UBE2E2: variants seen among roughly 807,000 people sequenced by gnomAD.
UBE2E2 encodes ubiquitin conjugating enzyme E2 E2, also known as ubiquitin-conjugating enzyme E2 E2.
UBE2E2 carries 6 observed loss-of-function variants against 24.7 expected under a neutral mutation model. The observed-to-expected ratio is 0.24, with a 90% CI of 0.13 to 0.48. The LOEUF (loss-of-function observed/expected upper bound fraction) is 0.48, where lower values mean the gene tolerates loss of function less well. Among genes scored for constraint, UBE2E2 ranks in the 20% least tolerant of loss-of-function variants. The pLI is 0.99. For synonymous variants in UBE2E2, 104 were observed against 83.6 expected (o/e 1.24, Z -1.33); for missense variants, 169 against 245.0 (o/e 0.69, Z 2.07).
intron 3 of UBE2E2, among the ~76,000 whole-genome samples, chr3:23,317,516 G>T (rs890088438): frequency 2.0e-5 from 3 of 152,166 alleles, no homozygotes; most frequent in Non-Finnish European, 4.4e-5. Context: ...ACCGGAGACC[G>T]GGTGATTTAT....
At chr3:23,364,492 A>G (rs1236199914) in intron 3 of UBE2E2, among the ~76,000 whole-genome samples, 1 of 152,218 alleles carries the variant, frequency 6.6e-6, no homozygotes, top group Non-Finnish European at 1.5e-5. Flanking sequence ...ACTACTGTGA[A>G]CACCTCTATG....
At chr3:23,480,251 T>C (rs547976233) in intron 3 of UBE2E2, among the ~76,000 whole-genome samples, 1 of 152,318 alleles carries the variant, frequency 6.6e-6, no homozygotes, top group Non-Finnish European at 1.5e-5. Context: ...AGCATGTTCA[T>C]ACCCAGCTGG....
intron 5 of UBE2E2, among the ~76,000 whole-genome samples, chr3:23,582,860 AGTGTGT>A (rs58053821): frequency 2.1e-4 from 25 of 116,748 alleles, no homozygotes; most frequent in Middle Eastern, 4.1e-3. Flanking sequence ...TATTCTGTTG[AGTGTGT>A]GTGTGTGTGT....
At chr3:23,278,940 C>T in intron 3 of UBE2E2, among the ~76,000 whole-genome samples, 1 of 131,954 alleles carries the variant, frequency 7.6e-6, no homozygotes, top group Non-Finnish European at 1.7e-5. Context: ...GTTCATTTTC[C>T]AGTTTTTTTT....
At position 23,206,814 on chromosome 3, in the gene UBE2E2, A is replaced by G. The variant is rs921970096; in HGVS notation, c.-8-1878A>G. Among the ~76,000 whole-genome samples, 6 of 152,314 alleles carry G rather than the reference A, an allele frequency of 3.9e-5. No individual in the cohort carries two copies. In the East Asian group the frequency reaches 1.2e-3, roughly 29 times the overall value. ...GAATTTTCATCAGTGTCAAATAGCT[A>G]TCCATTTGGACTAAGTTATAGTAAT... On this transcript the variant is annotated intron_variant, in intron 1 of 5. Coordinates refer to ENST00000396703, the MANE Select transcript of UBE2E2 (RefSeq NM_152653.4).
chr3:23,216,724 G>A (rs1696486334), intron 2 of UBE2E2, among the ~76,000 whole-genome samples: 1 of 152,004 alleles, frequency 6.6e-6, no homozygotes, highest in African/African-American at 2.4e-5. Flanking sequence ...AATTGCTCAT[G>A]TAATATTAGG....
In UBE2E2 at chr3:23,436,670, A is replaced by C. The variant is rs548799080; in HGVS notation, c.228-62938A>C. Among the ~76,000 whole-genome samples, 43 of 152,260 alleles carry C rather than the reference A, an allele frequency of 2.8e-4. No individual in the cohort carries two copies. In the South Asian group the frequency reaches 7.7e-3, roughly 27 times the overall value. The stretch of plus-strand genomic sequence containing the variant: ...GCTGTCCCAAAAAACAAAAACAAAA[A>C]CTATACTCCCTCCCCAAAACAAAAT... On this transcript the variant is annotated intron_variant, in intron 3 of 5. Transcript: ENST00000396703.
rs541312118 is a variant in UBE2E2, at chr3:23,491,794, G to A, written c.228-7814G>A. Among the ~76,000 whole-genome samples, 69 of 152,326 alleles carry A rather than the reference G, an allele frequency of 4.5e-4. 1 individual carries two copies. The highest frequency in any genetic ancestry group is 1.6e-3 in the African/African-American group (66 of 41,576). ...CTGGAAATTGCCCTAGCTGCAGTTT[G>A]GTAAACAGATTGGAGGGAAGCACAA... On this transcript the variant is annotated intron_variant, in intron 3 of 5. Transcript: ENST00000396703.
intron 3 of UBE2E2, among the ~76,000 whole-genome samples, chr3:23,353,978 T>C (rs1559358735): frequency 6.6e-6 from 1 of 152,182 alleles, no homozygotes; most frequent in Non-Finnish European, 1.5e-5. Flanking sequence ...GCTACCTGAC[T>C]TCAAACTATA....
At chr3:23,494,179 C>A (rs911092705) in intron 3 of UBE2E2, among the ~76,000 whole-genome samples, 4 of 152,116 alleles carry the variant, frequency 2.6e-5, no homozygotes, top group African/African-American at 4.8e-5. Context: ...GATAAGTGAT[C>A]ATTAAAAGAT....
intron 3 of UBE2E2, among the ~76,000 whole-genome samples, chr3:23,434,275 A>C (rs1051538567): frequency 2.6e-5 from 4 of 152,154 alleles, no homozygotes; most frequent in African/African-American, 9.6e-5. Flanking sequence ...GAGCAAAAAA[A>C]AGATCTCAAT....
intron 3 of UBE2E2, among the ~76,000 whole-genome samples, chr3:23,252,905 TA>T (rs1180286298): frequency 6.6e-6 from 1 of 152,238 alleles, no homozygotes; most frequent in Non-Finnish European, 1.5e-5. Flanking sequence ...CTTTCATATC[TA>T]AATTGATTAA....
intron 3 of UBE2E2, among the ~76,000 whole-genome samples, chr3:23,402,871 G>T (rs1203315810): frequency 6.6e-6 from 1 of 152,168 alleles, no homozygotes; most frequent in African/African-American, 2.4e-5. Context: ...GCCTGTTTGG[G>T]CATCAAACCA....
At chr3:23,512,276 G>A (rs1694616210) in intron 4 of UBE2E2, among the ~76,000 whole-genome samples, 1 of 151,194 alleles carries the variant, frequency 6.6e-6, no homozygotes, top group African/African-American at 2.4e-5. Flanking sequence ...GGAGTGCAGT[G>A]GCACGATCTC....
chr3:23,551,514 C>T (rs182516021), intron 5 of UBE2E2, among the ~76,000 whole-genome samples: 1 of 152,326 alleles, frequency 6.6e-6, no homozygotes, highest in African/African-American at 2.4e-5. Context: ...ACTATCATTA[C>T]TGTTACTGTA....
intron 5 of UBE2E2, among the ~76,000 whole-genome samples, chr3:23,565,773 T>A (rs1174788044): frequency 1.3e-5 from 2 of 152,208 alleles, no homozygotes; most frequent in Non-Finnish European, 2.9e-5. Flanking sequence ...TTCTGCCTAA[T>A]AGTTCAGCAT....
intron 3 of UBE2E2, among the ~76,000 whole-genome samples, chr3:23,470,941 A>C (rs1190483914): frequency 6.6e-6 from 1 of 152,170 alleles, no homozygotes; most frequent in Non-Finnish European, 1.5e-5. Context: ...ACCCCTGGAC[A>C]GTTATGTTCC....
chr3:23,508,644 TA>T (rs1332099714), intron 4 of UBE2E2, among the ~76,000 whole-genome samples: 1 of 152,140 alleles, frequency 6.6e-6, no homozygotes, highest in Non-Finnish European at 1.5e-5. Context: ...CACACCCTTA[TA>T]AGAGCCCTGC....
At chr3:23,351,126 C>T (rs1182783515) in intron 3 of UBE2E2, among the ~76,000 whole-genome samples, 2 of 152,156 alleles carry the variant, frequency 1.3e-5, no homozygotes, top group African/African-American at 4.8e-5. Flanking sequence ...ATTTCATATC[C>T]AGCCAAACTA....
Sources: allele counts gnomAD v4.1 joint callset (sites outside exome capture counted in the v4.1 genomes callset), GRCh38; gene constraint gnomAD v4.1.1; transcripts MANE v1.5; gene names NCBI Gene and HGNC (gene_info 2026-07-23, HGNC 2026-07-21).